COL17A1: variants seen among roughly 807,000 people sequenced by gnomAD.
COL17A1 encodes collagen type XVII alpha 1 chain.
In COL17A1, 181 loss-of-function variants were observed where a neutral mutation model predicts 218.4. The ratio of observed to expected loss-of-function variants is 0.83; its 90% CI spans 0.73 to 0.94. COL17A1 has a LOEUF of 0.94. Ranked by LOEUF, COL17A1 falls within the 40% of genes least tolerant of loss-of-function variation. The probability of loss-of-function intolerance (pLI) is 0.00; values close to 1 mark genes in which losing one functional copy is unlikely to be tolerated. For missense variants in COL17A1, 1,924 were observed against 1,945.9 expected, an observed-to-expected ratio of 0.99 and a Z score of 0.21; for synonymous variants, 721 against 731.0, an observed-to-expected ratio of 0.99 and a Z score of 0.22.
intron 15 of COL17A1, chr10:104,059,418 G>A: frequency 1.7e-6 from 1 of 599,352 alleles, no homozygotes; most frequent in Admixed American, 2.8e-5. Flanking sequence ...TTTTGCTTCA[G>A]TAATGCAAAT....
chr10:104,056,795 G>T (rs2086532568), intron 17 of COL17A1, among the ~76,000 whole-genome samples, 180 bp downstream of exon 17: 1 of 152,132 alleles, frequency 6.6e-6, no homozygotes, highest in Non-Finnish European at 1.5e-5. Flanking sequence ...CATGTCCTTG[G>T]CCAGGTACCT....
intron 2 of COL17A1, among the ~76,000 whole-genome samples, chr10:104,080,314 A>C (rs1193712802): frequency 1.3e-5 from 2 of 152,236 alleles, no homozygotes; most frequent in African/African-American, 4.8e-5. Flanking sequence ...TGTACCCCTA[A>C]ATTTGGAAAT....
chr10:104,082,947 A>T (rs1395646031), intron 1 of COL17A1, among the ~76,000 whole-genome samples: 1 of 152,178 alleles, frequency 6.6e-6, no homozygotes, highest in Non-Finnish European at 1.5e-5. Flanking sequence ...CCTCATTGGA[A>T]GGTACTTTGT....
chr10:104,033,857 C>A, intron 52 of COL17A1, 88 bp downstream of exon 52: 2 of 1,586,524 alleles, frequency 1.3e-6, no homozygotes, highest in Admixed American at 1.7e-5. Context: ...GTCTTCACAG[C>A]CTGGGGGTTC....
intron 23 of COL17A1, among the ~76,000 whole-genome samples, chr10:104,052,742 T>C (rs1352993898): frequency 6.6e-6 from 1 of 152,112 alleles, no homozygotes; most frequent in African/African-American, 2.4e-5. Flanking sequence ...CACCTCGGCC[T>C]GACTCCTCAC....
At chr10:104,059,770 C>A (rs556501712) in intron 14 of COL17A1, 52 bp from the exon 15 acceptor site, 2 of 1,572,122 alleles carry the variant, frequency 1.3e-6, no homozygotes, top group African/African-American at 2.7e-5. Flanking sequence ...AACCTCTCAA[C>A]TCTGTCCTGT....
chr10:104,035,412 T>C, intron 49 of COL17A1, 39 bp from the exon 50 acceptor site: 1 of 1,613,074 alleles, frequency 6.2e-7, no homozygotes, highest in Non-Finnish European at 8.5e-7. Context: ...AGTCCTGGCC[T>C]GGGCCAAGGG....
At position 104,040,414 on chromosome 10, in the gene COL17A1, C is replaced by A. The variant is rs369402357; in HGVS notation, c.2702-4G>T. On this transcript the variant is annotated splice_region_variant and splice_polypyrimidine_tract_variant and intron_variant, in intron 39 of 55. Coordinates refer to ENST00000648076, the MANE Select transcript of COL17A1 (RefSeq NM_000494.4). ...GGGGGGCCGGAGAGGAAGGTTTCTG[C>A]AGAGGAAGGAAATAGTTTGAGTATG... 183 of 1,605,140 alleles carry A rather than the reference C, an allele frequency of 1.1e-4. No individual in the cohort carries two copies. In the African/African-American group the frequency reaches 2.3e-3, roughly 20 times the overall value.
chr10:104,036,434 G>T lies in COL17A1; in HGVS notation c.3418+58C>A, dbSNP rs1019674436. On this transcript the variant is annotated intron_variant, in intron 48 of 55. Transcript: ENST00000648076. ...GCAATCACAGGGAAGTTCACGCTGC[G>T]AGTCCTCATCCCAGTCATCCCAGGC... The T allele has an allele frequency of 1.2e-4, 198 of 1,610,316 alleles. 1 individual carries two copies. Among genetic ancestry groups the T allele is most frequent in the Non-Finnish European group, 1.6e-4 (191 of 1,178,106 alleles).
chr10:104,033,747 C>G (rs1347625124), intron 52 of COL17A1, among the ~76,000 whole-genome samples, 198 bp downstream of exon 52: 1 of 152,184 alleles, frequency 6.6e-6, no homozygotes, highest in East Asian at 1.9e-4. Context: ...GTGCTCTGTT[C>G]CCCACAGCTC....
chr10:104,078,398 C>T (rs762238766), intron 3 of COL17A1, 144 bp downstream of exon 3: 13 of 1,063,734 alleles, frequency 1.2e-5, no homozygotes, highest in South Asian at 4.2e-5. Context: ...TTCAAACTGG[C>T]GAATTCTGTT....
In COL17A1 at chr10:104,051,982, C is replaced by T. The variant is rs1433069883; in HGVS notation, c.2002+173G>A. ...TAAACTTACAGCCCTAGTCTTGACT[C>T]CCCAGGGACTGCTTTTCTGGGGGAT... On this transcript the variant is annotated intron_variant, in intron 24 of 55. Coordinates refer to ENST00000648076, the MANE Select transcript of COL17A1 (RefSeq NM_000494.4). Among the ~76,000 whole-genome samples the T allele has an allele frequency of 2.0e-5, 3 of 152,160 alleles. 1 individual carries two copies. The East Asian group carries it at 5.8e-4, about 29-fold the overall frequency.
chr10:104,067,334 T>TTA (rs1182967089), intron 9 of COL17A1, among the ~76,000 whole-genome samples: 12 of 110,436 alleles, frequency 1.1e-4, no homozygotes, highest in Non-Finnish European at 1.7e-4. Flanking sequence ...GGCTCAGGAA[T>TTA]AAAAAAAAAA....
At chr10:104,070,313 C>G (rs2086658710) in intron 9 of COL17A1, 113 bp downstream of exon 9, 2 of 1,553,756 alleles carry the variant, frequency 1.3e-6, no homozygotes, top group Admixed American at 1.9e-5. Context: ...TTTGGTGGGC[C>G]CCAATTTCAA....
intron 8 of COL17A1, among the ~76,000 whole-genome samples, 161 bp downstream of exon 8, chr10:104,071,871 C>G (rs1347481150): frequency 6.6e-6 from 1 of 152,058 alleles, no homozygotes; most frequent in African/African-American, 2.4e-5. Flanking sequence ...AACCCAGGGT[C>G]CAATTCACAG....
chr10:104,032,096 A>G lies in COL17A1; in HGVS notation c.*139T>C. On this transcript the variant is annotated 3_prime_UTR_variant, in exon 56 of 56. Coordinates refer to ENST00000648076, the MANE Select transcript of COL17A1 (RefSeq NM_000494.4). ...ATAAGTATATATTGTTCAGACTAAAACAAATGTTGCTAGCTAGGTTGGCTG... is the reference window on the plus strand; with the variant it reads ...ATAAGTATATATTGTTCAGACTAAAGCAAATGTTGCTAGCTAGGTTGGCTG... 1 of 710,418 alleles carries G rather than the reference A, an allele frequency of 1.4e-6. No homozygotes were observed. The highest frequency in any genetic ancestry group is 2.6e-6 in the Non-Finnish European group (1 of 391,448). The allele number at this position is 710,418 out of a possible 1,614,324, so 44.0% of individuals were successfully genotyped here. A position where few individuals can be genotyped will look rare whatever the true frequency, so the allele number is the denominator to read the frequency against.
At chr10:104,035,778 CTGTG>C (rs747006742) in intron 48 of COL17A1, among the ~76,000 whole-genome samples, 66 of 67,124 alleles carry the variant, frequency 9.8e-4, no homozygotes, top group South Asian at 1.4e-3. Context: ...GTGCTTCATT[CTGTG>C]TGTGTGTGTG....
In COL17A1 at chr10:104,073,224, C is replaced by A; in HGVS notation, c.401G>T (p.Arg134Leu). 1 of 1,613,818 alleles carries A rather than the reference C, an allele frequency of 6.2e-7. No individual in the cohort carries two copies. Among genetic ancestry groups the A allele is most frequent in the Non-Finnish European group, 8.5e-7 (1 of 1,179,854 alleles). ...ACAGCACTCACCTCGTGTTTGACTC[C>A]GTCCTCTGGTTGAAGAAGATGCTGA... ...KEFASSSTRG[R>L]SQTRESEIRV... Residue 134 changes from arginine (R) to leucine (L), a missense_variant, in exon 7 of 56, where the codon CGG becomes CTG. Transcript: ENST00000648076.
rs1163646572 is a variant in COL17A1, at chr10:104,051,515, A to G, written c.2004T>C (p.Gly668=). Residue 668 remains glycine (G), a splice_region_variant and synonymous_variant, in exon 25 of 56, where the codon GGT becomes GGC. Coordinates refer to ENST00000648076, the MANE Select transcript of COL17A1 (RefSeq NM_000494.4). ...CCTGTGGGCCAGGAGAGCCGCTGGA[A>G]CCTGAGAAGGAGGACAAGACAGCAA... ...PGVPGSVGPK[G]SSGSPGPQGP... 6 of 1,614,082 alleles carry G rather than the reference A, an allele frequency of 3.7e-6. No individual in the cohort carries two copies. Among genetic ancestry groups the G allele is most frequent in the Non-Finnish European group, 5.1e-6 (6 of 1,180,030 alleles).
Sources: allele counts gnomAD v4.1 joint callset (sites outside exome capture counted in the v4.1 genomes callset), GRCh38; gene constraint gnomAD v4.1.1; transcripts MANE v1.5; gene names NCBI Gene and HGNC (gene_info 2026-07-23, HGNC 2026-07-21).